The following CHST8 variants were observed in gnomAD, a reference collection of about 807,000 sequenced individuals.
CHST8 encodes the protein GALNAC-4-ST1.
CHST8 carries 10 observed loss-of-function variants against 15.0 expected under a neutral mutation model. The observed-to-expected ratio is 0.67, with a 90% CI of 0.41 to 1.13. The LOEUF is 1.13. Ranked by LOEUF, CHST8 falls within the 50% of genes most tolerant of loss-of-function variation. The pLI is 0.00. For synonymous variants in CHST8, 259 were observed against 256.6 expected, an observed-to-expected ratio of 1.01 and a Z score of -0.09; for missense variants, 634 against 608.2, an observed-to-expected ratio of 1.04 and a Z score of -0.45.
chr19:33,633,358 G>C (rs548530914), intron 1 of CHST8, among the ~76,000 whole-genome samples: 21 of 152,222 alleles, frequency 1.4e-4, no homozygotes, highest in Middle Eastern at 3.4e-3. Context: ...TATTGCTATG[G>C]ATATTCTTGT....
chr19:33,664,329 C>T (rs1157320918), intron 1 of CHST8, among the ~76,000 whole-genome samples: 2 of 151,664 alleles, frequency 1.3e-5, no homozygotes, highest in African/African-American at 4.8e-5. Context: ...TACATGTGCA[C>T]AATGTGCAGG....
At chr19:33,642,749 C>G (rs573759952) in intron 1 of CHST8, among the ~76,000 whole-genome samples, 5 of 152,220 alleles carry the variant, frequency 3.3e-5, no homozygotes, top group Non-Finnish European at 7.3e-5. Context: ...CCTTCTGGCT[C>G]TGGTGTTGGC....
chr19:33,690,348 G>A (rs994015045), intron 3 of CHST8, among the ~76,000 whole-genome samples: 5 of 152,164 alleles, frequency 3.3e-5, no homozygotes, highest in African/African-American at 4.8e-5. Flanking sequence ...GTAGGCAGAG[G>A]GGTTGCTGCG....
chr19:33,708,085 A>G (rs767137764), intron 3 of CHST8, among the ~76,000 whole-genome samples: 1 of 152,190 alleles, frequency 6.6e-6, no homozygotes, highest in Non-Finnish European at 1.5e-5. Flanking sequence ...GGCTTGGCCC[A>G]TTTTAAAAAT....
At chr19:33,747,439 C>T (rs1313513294) in intron 3 of CHST8, among the ~76,000 whole-genome samples, 1 of 152,176 alleles carries the variant, frequency 6.6e-6, no homozygotes, top group Non-Finnish European at 1.5e-5. Context: ...GAATAGAGCC[C>T]TGATTTGTAG....
rs367958312 is a variant in CHST8 at position 33,635,692 on chromosome 19, C to G, written c.-164+13396C>G. Among the ~76,000 whole-genome samples the G allele has an allele frequency of 1.5e-3, 228 of 152,250 alleles. 2 individuals carry two copies. Among genetic ancestry groups the G allele is most frequent in the African/African-American group, 5.1e-3 (213 of 41,568 alleles). On this transcript the variant is annotated intron_variant, in intron 1 of 4. Transcript: ENST00000650847. ...CAGTGGAAAAAATGCGGGCTTAGTT[C>G]CCCGGAGATACTGCGGTCCAGTTGA...
chr19:33,752,502 G>A (rs1271777091), intron 3 of CHST8, among the ~76,000 whole-genome samples: 5 of 152,254 alleles, frequency 3.3e-5, no homozygotes, highest in African/African-American at 7.2e-5. Flanking sequence ...TATCTGAACC[G>A]ATTCGTATTT....
chr19:33,628,745 T>G (rs1972088640), intron 1 of CHST8, among the ~76,000 whole-genome samples: 1 of 152,236 alleles, frequency 6.6e-6, no homozygotes, highest in East Asian at 1.9e-4. Flanking sequence ...CTGTCTACAC[T>G]GGTCGAACCA....
chr19:33,634,478 T>C (rs1325497945), intron 1 of CHST8, among the ~76,000 whole-genome samples: 1 of 152,042 alleles, frequency 6.6e-6, no homozygotes, highest in East Asian at 1.9e-4. Context: ...GGTTTGAATC[T>C]CCCAGGCTGG....
intron 3 of CHST8, among the ~76,000 whole-genome samples, chr19:33,767,560 G>A (rs1365522118): frequency 1.3e-5 from 2 of 152,238 alleles, no homozygotes; most frequent in Non-Finnish European, 2.9e-5. Flanking sequence ...CTCACGCCTT[G>A]TTTATTCTCA....
At chr19:33,752,055 C>T (rs1038603038) in intron 3 of CHST8, among the ~76,000 whole-genome samples, 18 of 152,160 alleles carry the variant, frequency 1.2e-4, no homozygotes, top group Non-Finnish European at 1.5e-5. Flanking sequence ...GATTTCCTGC[C>T]CAGGGGTTGG....
chr19:33,704,418 C>G (rs890727450), intron 3 of CHST8, among the ~76,000 whole-genome samples: 1 of 152,058 alleles, frequency 6.6e-6, no homozygotes, highest in African/African-American at 2.4e-5. Flanking sequence ...TGGGATCCAT[C>G]AGACAGTAGG....
chr19:33,652,066 TA>T (rs1600238108), intron 1 of CHST8, among the ~76,000 whole-genome samples: 4 of 152,162 alleles, frequency 2.6e-5, no homozygotes, highest in South Asian at 2.1e-4. Flanking sequence ...ACTTTGACTA[TA>T]TTTTTTTGTA....
chr19:33,743,943 C>T (rs985897060), intron 3 of CHST8, among the ~76,000 whole-genome samples: 1 of 152,144 alleles, frequency 6.6e-6, no homozygotes, highest in African/African-American at 2.4e-5. Context: ...AGGCACCTGC[C>T]ACCACGCCTG....
intron 1 of CHST8, among the ~76,000 whole-genome samples, chr19:33,664,465 C>A (rs189854464): frequency 0.037 from 4,594 of 125,412 alleles, 342 homozygotes; most frequent in African/African-American, 0.13. Flanking sequence ...ACAACAGGCC[C>A]CAGAGTGTGA....
intron 1 of CHST8, among the ~76,000 whole-genome samples, chr19:33,643,407 C>T (rs1391156197): frequency 6.6e-6 from 1 of 152,148 alleles, no homozygotes; most frequent in Admixed American, 6.5e-5. Context: ...TTCTCTGCTC[C>T]CTCCCTCCCC....
chr19:33,624,543 C>T (rs1229453363), intron 1 of CHST8, among the ~76,000 whole-genome samples: 1 of 152,156 alleles, frequency 6.6e-6, no homozygotes, highest in African/African-American at 2.4e-5. Flanking sequence ...ATTCAAATCT[C>T]TGTTTATGTA....
chr19:33,763,384 T>C (rs1394526648), intron 3 of CHST8, among the ~76,000 whole-genome samples: 1 of 152,198 alleles, frequency 6.6e-6, no homozygotes, highest in Non-Finnish European at 1.5e-5. Context: ...ACCAGTCTGA[T>C]GCAGCTCTCC....
At chr19:33,696,412 C>T (rs145906328) in intron 3 of CHST8, among the ~76,000 whole-genome samples, 1 of 150,570 alleles carries the variant, frequency 6.6e-6, no homozygotes, top group Non-Finnish European at 1.5e-5. Context: ...ACTGTCAGAT[C>T]GGTGGCCACA....
Sources: gnomAD v4.1 joint callset for allele counts (sites outside exome capture counted in the v4.1 genomes callset) on GRCh38, gnomAD v4.1.1 for gene constraint, MANE v1.5 for transcripts, NCBI Gene and HGNC (gene_info 2026-07-23, HGNC 2026-07-21) for gene names.